The following CD200R1 variants were observed in gnomAD, a reference collection of about 807,000 sequenced individuals.
CD200R1 encodes cell surface glycoprotein CD200 receptor 1.
In CD200R1, 30 loss-of-function variants were observed where a neutral mutation model predicts 38.1. The observed-to-expected ratio is 0.79, with a 90% CI of 0.59 to 1.07. CD200R1 has a LOEUF of 1.07. CD200R1 is among the 50% of genes least tolerant of loss of function. The pLI is 0.00. For synonymous variants in CD200R1, 128 were observed against 152.1 expected (o/e 0.84, Z 1.16); for missense variants, 372 against 415.4 (o/e 0.90, Z 0.91).
chr3:112,951,628 C>T (rs992411683), intron 1 of CD200R1, among the ~76,000 whole-genome samples: 9 of 151,666 alleles, frequency 5.9e-5, no homozygotes, highest in Non-Finnish European at 5.9e-5. Flanking sequence ...TTCAAAGATG[C>T]ACTTTAACAG....
intron 2 of CD200R1, among the ~76,000 whole-genome samples, chr3:112,947,485 A>G (rs1215873486): frequency 6.6e-6 from 1 of 152,174 alleles, no homozygotes; most frequent in African/African-American, 2.4e-5. Flanking sequence ...TTTCTGTTTC[A>G]ATGTTAATTA....
intron 1 of CD200R1, among the ~76,000 whole-genome samples, chr3:112,973,207 C>T (rs558032703): frequency 6.6e-6 from 1 of 152,272 alleles, no homozygotes; most frequent in East Asian, 1.9e-4. Flanking sequence ...CTGGCTGCCC[C>T]AGCCAAGCTG....
At position 112,923,505 on chromosome 3, in the gene CD200R1, T is replaced by C; in HGVS notation, c.*172A>G. The C allele has an allele frequency of 2.4e-6, 1 of 414,294 alleles. No individual in the cohort carries two copies. The highest frequency in any genetic ancestry group is 4.3e-6 in the Non-Finnish European group (1 of 232,578). The allele number at this position is 414,294 out of a possible 1,614,324, so 25.7% of individuals were successfully genotyped here. ...AGAACTAGCTGGTAGCAGCTAAGAA[T>C]CAAAAATTCCAATTATACAAGGGTA... On this transcript the variant is annotated 3_prime_UTR_variant, in exon 8 of 8. Coordinates refer to ENST00000308611, the MANE Select transcript of CD200R1 (RefSeq NM_138806.4).
intron 5 of CD200R1, among the ~76,000 whole-genome samples, chr3:112,925,597 G>A (rs936451855): frequency 2.0e-5 from 3 of 152,068 alleles, no homozygotes; most frequent in African/African-American, 4.8e-5. Flanking sequence ...TATGGACTTT[G>A]GGTGGTAATG....
intron 1 of CD200R1, among the ~76,000 whole-genome samples, chr3:112,956,991 C>T (rs968289333): frequency 1.4e-4 from 22 of 152,168 alleles, no homozygotes; most frequent in African/African-American, 5.3e-4. Context: ...AGGCACCAGC[C>T]TGCAGTCAGG....
At chr3:112,931,607 A>G (rs1477306133) in intron 2 of CD200R1, among the ~76,000 whole-genome samples, 1 of 152,190 alleles carries the variant, frequency 6.6e-6, no homozygotes, top group East Asian at 1.9e-4. Context: ...CCCTTTCTCA[A>G]GAATTTTAGA....
intron 2 of CD200R1, among the ~76,000 whole-genome samples, chr3:112,943,145 T>C (rs1014565344): frequency 3.3e-5 from 5 of 151,758 alleles, no homozygotes; most frequent in East Asian, 1.9e-4. Context: ...CTGACATCTA[T>C]AGATGACTTT....
intron 2 of CD200R1, among the ~76,000 whole-genome samples, chr3:112,944,483 T>C (rs1479231629): frequency 6.6e-6 from 1 of 151,922 alleles, no homozygotes; most frequent in African/African-American, 2.4e-5. Flanking sequence ...AAGAGAAATT[T>C]CTCAACTTAA....
Position 112,925,199 on chromosome 3 carries a change from GAC to G in CD200R1, c.770-8_770-7del. 1 of 1,340,406 alleles carries G rather than the reference GAC, an allele frequency of 7.5e-7. No homozygotes were observed. Among genetic ancestry groups the G allele is most frequent in the Non-Finnish European group, 1.1e-6 (1 of 934,980 alleles). The allele number at this position is 1,340,406 out of a possible 1,614,324, so 83.0% of individuals were successfully genotyped here. A position where few individuals can be genotyped will look rare whatever the true frequency, so the allele number is the denominator to read the frequency against. On this transcript the variant is annotated splice_region_variant and splice_polypyrimidine_tract_variant and intron_variant, in intron 5 of 7. Coordinates refer to ENST00000308611, the MANE Select transcript of CD200R1 (RefSeq NM_138806.4). The stretch of plus-strand genomic sequence containing the variant: ...TGATTTTTTGGCACCTGGAACTATA[GAC>G]ACAAAAATATATGGTTCAAATGTGG...
Position 112,929,058 on chromosome 3 carries a change from G to T in CD200R1, c.527C>A (p.Pro176His), listed in dbSNP as rs368637502. 6.3e-5 allele frequency: 102 copies of T among 1,613,692 alleles called. No individual in the cohort carries two copies. The highest frequency in any genetic ancestry group is 1.7e-4 in the Middle Eastern group (1 of 5,846). Residue 176 changes from proline to histidine, a missense_variant, in exon 5 of 8, where the codon CCT becomes CAT. Pro to His is a moderately conservative substitution (Grantham distance 77). Coordinates refer to ENST00000308611, the MANE Select transcript of CD200R1 (RefSeq NM_138806.4). ...CCTGTTTTGAAACAGGGTCACTTCA[G>T]GTGTAACTGCAGAGAGGAAAGAGGG... is the stretch of plus-strand genomic sequence containing the variant. ...RGYHLQVLVT[P>H]EVTLFQNRNR...
intron 1 of CD200R1, among the ~76,000 whole-genome samples, chr3:112,965,575 A>T (rs549121939): frequency 6.6e-6 from 1 of 152,286 alleles, no homozygotes; most frequent in Admixed American, 6.5e-5. Context: ...ATCCTGGACA[A>T]CATGATGAAA....
Position 112,968,864 on chromosome 3 carries a change from A to G in CD200R1, c.67+5927T>C, listed in dbSNP as rs62263757. ...TGCAGTTTGGGTCCAACCAAGTAAA[A>G]TATCAACACAGCAATATAACAGAAT... On this transcript the variant is annotated intron_variant, in intron 1 of 7. Transcript: ENST00000308611. Among the ~76,000 whole-genome samples the G allele has an allele frequency of 9.8e-3, 1,493 of 152,326 alleles. 10 individuals carry two copies. The highest frequency in any genetic ancestry group is 0.015 in the Non-Finnish European group (1,036 of 68,022).
At chr3:112,924,987 T>C (rs1559943028) in intron 6 of CD200R1, 98 bp downstream of exon 6, 1 of 727,840 alleles carries the variant, frequency 1.4e-6, no homozygotes, top group Non-Finnish European at 2.4e-6. Flanking sequence ...AGATTTGATG[T>C]TAACATCCTA....
intron 4 of CD200R1, 54 bp from the exon 5 acceptor site, chr3:112,929,118 G>A (rs1239228768): frequency 1.9e-6 from 3 of 1,612,230 alleles, no homozygotes; most frequent in Non-Finnish European, 2.5e-6. Context: ...AAAGCATATG[G>A]AATTCAGAGA....
At position 112,925,024 on chromosome 3, in the gene CD200R1, T is replaced by C. The variant is rs1312045822; in HGVS notation, c.878+61A>G. On this transcript the variant is annotated intron_variant, in intron 6 of 7. Transcript: ENST00000308611. Reference sequence around the variant, plus strand: ...TATACCCAATACGGTCAGTTCCATATTTCTGACTCTTTTCTAGCCTAATAA... The same window carrying C: ...TATACCCAATACGGTCAGTTCCATACTTCTGACTCTTTTCTAGCCTAATAA... 8.1e-6 allele frequency: 8 copies of C among 983,160 alleles called. No individual in the cohort carries two copies. The Admixed American group carries it at 1.3e-4, about 16-fold the overall frequency. 60.9% of individuals were successfully genotyped at this position (983,160 alleles called of 1,614,324 possible). A position where few individuals can be genotyped will look rare whatever the true frequency, so the allele number is the denominator to read the frequency against.
intron 4 of CD200R1, 36 bp from the exon 5 acceptor site, chr3:112,929,100 T>C (rs1234384901): frequency 3.7e-6 from 6 of 1,612,564 alleles, no homozygotes; most frequent in African/African-American, 1.3e-5. Context: ...ATGCTTCGGT[T>C]TTCACATAAA....
At chr3:112,958,394 C>CAAAAAATACT (rs1553769431) in intron 1 of CD200R1, among the ~76,000 whole-genome samples, 4 of 151,994 alleles carry the variant, frequency 2.6e-5, no homozygotes, top group Non-Finnish European at 5.9e-5. Flanking sequence ...CTACATACTA[C>CAAAAAATACT]AAAAAATACT....
Position 112,923,706 on chromosome 3 carries a change from C to T in CD200R1, c.1018G>A (p.Glu340Lys). ...KVKASEALQS[E>K]VDTDLHTL Reference sequence around the variant, plus strand: ...AAAGTATGGAGGTCTGTGTCAACTTCACTTTGTAATGCCTCAGATGCCTTC... The same window carrying T: ...AAAGTATGGAGGTCTGTGTCAACTTTACTTTGTAATGCCTCAGATGCCTTC... The change falls in exon 8 of 8, where the codon GAA (glutamate) becomes AAA (lysine). Residue 340 changes from glutamate to lysine, a missense_variant. Transcript: ENST00000308611. 1 of 1,598,068 alleles carries T rather than the reference C, an allele frequency of 6.3e-7. No individual in the cohort carries two copies. The highest frequency in any genetic ancestry group is 8.6e-7 in the Non-Finnish European group (1 of 1,167,088).
At chr3:112,973,048 T>C (rs945367863) in intron 1 of CD200R1, among the ~76,000 whole-genome samples, 1 of 152,244 alleles carries the variant, frequency 6.6e-6, no homozygotes, top group African/African-American at 2.4e-5. Flanking sequence ...ATCTGCTATA[T>C]GTAGTCTTTC....
Sources: gnomAD v4.1 joint callset for allele counts (sites outside exome capture counted in the v4.1 genomes callset) on GRCh38, gnomAD v4.1.1 for gene constraint, MANE v1.5 for transcripts, NCBI Gene and HGNC (gene_info 2026-07-23, HGNC 2026-07-21) for gene names.